The following MTSS1 variants were observed in gnomAD, a reference collection of about 807,000 sequenced individuals.
MTSS1 encodes the protein protein MTSS 1.
Under a neutral mutation model 79.0 loss-of-function variants are expected in MTSS1, and 18 were observed. The observed-to-expected ratio is 0.23, with a 90% CI of 0.16 to 0.34. The LOEUF (loss-of-function observed/expected upper bound fraction) is 0.34. Ranked by LOEUF, MTSS1 falls within the 10% of genes least tolerant of loss-of-function variation. MTSS1 has a pLI of 1.00. For synonymous variants in MTSS1, 341 were observed against 368.6 expected, an observed-to-expected ratio of 0.93 and a Z score of 0.86; for missense variants, 815 against 986.2, an observed-to-expected ratio of 0.83 and a Z score of 2.33.
intron 1 of MTSS1, among the ~76,000 whole-genome samples, chr8:124,714,996 T>C (rs1220711044): frequency 6.6e-6 from 1 of 152,222 alleles, no homozygotes; most frequent in African/African-American, 2.4e-5. Flanking sequence ...TTTATTCCTG[T>C]CTATAAATGT....
Position 124,556,279 on chromosome 8 carries a change from C to T in MTSS1, c.1357G>A (p.Glu453Lys). The T allele has an allele frequency of 1.9e-6, 3 of 1,614,226 alleles. No homozygotes were observed. The highest frequency in any genetic ancestry group is 1.6e-4 in the Middle Eastern group (1 of 6,062). Residue 453 changes from glutamate (E) to lysine (K), a missense_variant, in exon 12 of 14, where the codon GAG (glutamate) becomes AAG (lysine). Transcript: ENST00000518547. ...TTASGPPAAAEEAQRPRSMTV... is the reference protein window; with the variant it reads ...TTASGPPAAAKEAQRPRSMTV... ...ATGCTCCGTGGTCTCTGAGCCTCCT[C>T]AGCTGCTGCAGGTGGGCCGCTGGCG...
Position 124,553,012 on chromosome 8 carries a change from A to G in MTSS1, c.2248T>C (p.Ser750Pro), listed in dbSNP as rs1265501905. 3.7e-6 allele frequency: 6 copies of G among 1,613,434 alleles called. No individual in the cohort carries two copies. Among genetic ancestry groups the G allele is most frequent in the East Asian group, 2.2e-5 (1 of 44,862 alleles). The change falls in exon 14 of 14, where the codon TCA becomes CCA. Residue 750 changes from serine (S) to proline (P), a missense_variant. Transcript: ENST00000518547. The surrounding 1 kb of genome is among the most constrained non-coding windows in gnomAD (Gnocchi z 6.0). Reference sequence around the variant, plus strand: ...TGAACCTAAGAAAAGCGAGGGGCTGAGCGATCGTTTGTCGTGGTCTTCTTC... The same window carrying G: ...TGAACCTAAGAAAAGCGAGGGGCTGGGCGATCGTTTGTCGTGGTCTTCTTC... The part of the protein sequence containing the change: ...KLKKTTTNDR[S>P]APRFS
intron 3 of MTSS1, among the ~76,000 whole-genome samples, chr8:124,674,859 T>C (rs1824989881): frequency 6.6e-6 from 1 of 152,122 alleles, no homozygotes; most frequent in African/African-American, 2.4e-5. Flanking sequence ...TTAGCTGGGA[T>C]TACAGGCGCA....
At chr8:124,599,408 G>A (rs902628088) in intron 3 of MTSS1, among the ~76,000 whole-genome samples, 6 of 150,806 alleles carry the variant, frequency 4.0e-5, no homozygotes, top group Admixed American at 1.3e-4. Flanking sequence ...ACTTGAACCC[G>A]GGAGGCAGAG....
intron 6 of MTSS1, among the ~76,000 whole-genome samples, chr8:124,573,961 T>C (rs540264133): frequency 1.3e-5 from 2 of 152,258 alleles, no homozygotes; most frequent in East Asian, 1.9e-4. Context: ...GAATGCACCA[T>C]GTCATGGGCC....
intron 1 of MTSS1, among the ~76,000 whole-genome samples, chr8:124,712,325 C>T (rs1437310402): frequency 2.0e-5 from 3 of 152,168 alleles, no homozygotes; most frequent in Non-Finnish European, 2.9e-5. Flanking sequence ...TCCTCTTCTT[C>T]CGCTGGGTAT....
At chr8:124,564,504 C>T (rs1305638860) in intron 9 of MTSS1, among the ~76,000 whole-genome samples, 1 of 152,094 alleles carries the variant, frequency 6.6e-6, no homozygotes, top group African/African-American at 2.4e-5. Flanking sequence ...AGCCAGAAGG[C>T]GGCAGTTGGG....
chr8:124,573,709 G>A (rs1296962224), intron 6 of MTSS1, among the ~76,000 whole-genome samples: 1 of 152,246 alleles, frequency 6.6e-6, no homozygotes. Flanking sequence ...GAGGGAGGGG[G>A]TGCCTTCGAT....
At chr8:124,635,486 T>A (rs1355188190) in intron 3 of MTSS1, among the ~76,000 whole-genome samples, 1 of 152,248 alleles carries the variant, frequency 6.6e-6, no homozygotes, top group African/African-American at 2.4e-5. Flanking sequence ...GAGACATCTG[T>A]AATGCTTGAC....
chr8:124,719,657 T>C (rs1003062284), intron 1 of MTSS1, among the ~76,000 whole-genome samples: 56 of 152,252 alleles, frequency 3.7e-4, no homozygotes, highest in African/African-American at 1.3e-3. Flanking sequence ...CTCAAATTAC[T>C]TATATGTTGA....
At chr8:124,650,687 G>A (rs550364164) in intron 3 of MTSS1, among the ~76,000 whole-genome samples, 5 of 152,302 alleles carry the variant, frequency 3.3e-5, no homozygotes, top group East Asian at 1.9e-4. Context: ...TAGCAGGTGC[G>A]CAGGGCAGGG....
At chr8:124,596,386 A>G (rs990146936) in intron 3 of MTSS1, among the ~76,000 whole-genome samples, 1 of 152,244 alleles carries the variant, frequency 6.6e-6, no homozygotes, top group African/African-American at 2.4e-5. Context: ...AACGTGGTAC[A>G]TGTAAAAACT....
At chr8:124,638,149 A>G (rs1817376953) in intron 3 of MTSS1, among the ~76,000 whole-genome samples, 1 of 152,258 alleles carries the variant, frequency 6.6e-6, no homozygotes, top group Non-Finnish European at 1.5e-5. Context: ...TGCTGATGGT[A>G]TAGTCCTATG....
chr8:124,725,888 G>C (rs142244131), intron 1 of MTSS1, among the ~76,000 whole-genome samples: 10 of 151,874 alleles, frequency 6.6e-5, no homozygotes, highest in African/African-American at 1.5e-4. Context: ...TTCATCTCTC[G>C]AGTCTCCAAA....
chr8:124,556,441 C>T, intron 11 of MTSS1, 36 bp from the exon 12 acceptor site: 1 of 1,572,132 alleles, frequency 6.4e-7, no homozygotes, highest in Non-Finnish European at 8.6e-7. Flanking sequence ...GCCAGGGCCT[C>T]TGCCTCCACT....
At chr8:124,600,540 C>T (rs1833613509) in intron 3 of MTSS1, among the ~76,000 whole-genome samples, 1 of 152,170 alleles carries the variant, frequency 6.6e-6, no homozygotes, top group Admixed American at 6.5e-5. Context: ...ATAAGGAGCA[C>T]TGGTTACATC....
chr8:124,591,036 A>G, intron 4 of MTSS1, 115 bp downstream of exon 4: 1 of 893,336 alleles, frequency 1.1e-6, no homozygotes, highest in Non-Finnish European at 1.8e-6. Context: ...CAGGCAATGA[A>G]TGAGCCAAGT....
chr8:124,658,378 C>G (rs951876435), intron 3 of MTSS1, among the ~76,000 whole-genome samples: 10 of 152,168 alleles, frequency 6.6e-5, no homozygotes, highest in Non-Finnish European at 8.8e-5. Context: ...GTAAGAAGTG[C>G]CTTTCATCTT....
intron 3 of MTSS1, among the ~76,000 whole-genome samples, chr8:124,641,846 A>G (rs1818108219): frequency 6.6e-6 from 1 of 152,210 alleles, no homozygotes; most frequent in African/African-American, 2.4e-5. Context: ...AGAGAATTTA[A>G]AAAGTATCAG....
Sources: allele counts gnomAD v4.1 joint callset (sites outside exome capture counted in the v4.1 genomes callset), GRCh38; gene constraint gnomAD v4.1.1; non-coding constraint Gnocchi (gnomAD v3.1); transcripts MANE v1.5; gene names NCBI Gene and HGNC (gene_info 2026-07-23, HGNC 2026-07-21).